MICAL3: variants seen among roughly 807,000 people sequenced by gnomAD.
MICAL3 encodes microtubule associated monooxygenase, calponin and LIM domain containing 3, also known as [F-actin]-monooxygenase MICAL3.
In MICAL3, 62 loss-of-function variants were observed where a neutral mutation model predicts 207.4. That is an observed-to-expected ratio of 0.30 (90% CI 0.24 to 0.37). The LOEUF (loss-of-function observed/expected upper bound fraction) is 0.37, where lower values mean the gene tolerates loss of function less well. MICAL3 is among the 10% of genes least tolerant of loss of function. MICAL3 has a pLI of 1.00. For missense variants in MICAL3, 2,368 were observed against 2,635.6 expected, an observed-to-expected ratio of 0.90 and a Z score of 2.22; for synonymous variants, 1,077 against 1,069.3, an observed-to-expected ratio of 1.01 and a Z score of -0.14.
In MICAL3 at chr22:17,817,644, G is replaced by C; in HGVS notation, c.5017C>G (p.Leu1673Val). 6.2e-7 allele frequency: 1 copy of C among 1,612,710 alleles called. No individual in the cohort carries two copies. The highest frequency in any genetic ancestry group is 8.5e-7 in the Non-Finnish European group (1 of 1,179,792). ...CCCCCTGAGTCCGACGGCGGGGAGAGGACCTCCTCGCTGGTGGCTTCATGC... is the reference window on the plus strand; with the variant it reads ...CCCCCTGAGTCCGACGGCGGGGAGACGACCTCCTCGCTGGTGGCTTCATGC... ...LKHEATSEEV[L>V]SPPSDSGGPD... The change falls in exon 26 of 32, where the codon CTC (leucine) becomes GTC (valine). Residue 1673 changes from leucine to valine, a missense_variant. Leu to Val is a conservative substitution (Grantham distance 32). This residue lies in a region of MICAL3 where 1,770 missense variants were observed against 1,863.2 expected (regional missense o/e 0.95). Coordinates refer to ENST00000441493, the MANE Select transcript of MICAL3 (RefSeq NM_015241.3).
intron 1 of MICAL3, among the ~76,000 whole-genome samples, chr22:17,980,053 T>G (rs1307852834): frequency 2.0e-5 from 3 of 152,230 alleles, no homozygotes; most frequent in Non-Finnish European, 4.4e-5. Flanking sequence ...GGTCTGGAAC[T>G]GCTGGGCTCA....
intron 1 of MICAL3, among the ~76,000 whole-genome samples, chr22:17,920,856 A>G (rs76783665): frequency 0.054 from 8,187 of 152,054 alleles, 758 homozygotes; most frequent in African/African-American, 0.19. Flanking sequence ...TGCCTACCAC[A>G]ATCCTGGTGG....
chr22:17,861,638 C>G, intron 19 of MICAL3: 1 of 985,410 alleles, frequency 1.0e-6, no homozygotes, highest in Non-Finnish European at 1.2e-6. Flanking sequence ...ATTGTTCAAG[C>G]TTTTTCTAAA....
At chr22:17,872,990 T>TGCCAACA in intron 16 of MICAL3, 1 of 659,350 alleles carries the variant, frequency 1.5e-6, no homozygotes, top group Non-Finnish European at 2.7e-6. Context: ...CAGCAAACCA[T>TGCCAACA]GCCAACACAG....
chr22:17,967,357 CA>C (rs5844336), intron 1 of MICAL3, among the ~76,000 whole-genome samples: 30,324 of 151,526 alleles, frequency 0.2, 3,173 homozygotes, highest in Middle Eastern at 0.27. Context: ...ACATACCCTG[CA>C]AAAAAAAGTA....
chr22:17,946,217 CAG>C (rs1934058481), intron 1 of MICAL3, among the ~76,000 whole-genome samples: 1 of 152,128 alleles, frequency 6.6e-6, no homozygotes, highest in East Asian at 1.9e-4. Context: ...ACCAGGAGGC[CAG>C]AGAAGACTGC....
In MICAL3 at chr22:17,902,490, T is replaced by C. The variant is rs758007622; in HGVS notation, c.589+141A>G. On this transcript the variant is annotated intron_variant, in intron 4 of 31. Coordinates refer to ENST00000441493, the MANE Select transcript of MICAL3 (RefSeq NM_015241.3). This position sits in a 1 kb window ranked among gnomAD's most constrained non-coding sequence, Gnocchi z 4.5. ...TGCGCCTGCGACATCTAAGGCTGCA[T>C]CCAGGCCAAGTCCCCAAAGGCACAG... 2.1e-4 allele frequency: 120 copies of C among 566,836 alleles called. No homozygotes were observed. Among genetic ancestry groups the C allele is most frequent in the Non-Finnish European group, 3.2e-4 (100 of 316,418 alleles). The allele number at this position is 566,836 out of a possible 1,614,324, so 35.1% of individuals were successfully genotyped here.
intron 1 of MICAL3, chr22:17,980,851 C>T (rs573984148): frequency 1.3e-5 from 7 of 522,830 alleles, no homozygotes; most frequent in Admixed American, 1.2e-4. Context: ...CCGTCACCCT[C>T]AGTTCCTGCT....
rs183912817 is a variant in MICAL3 at position 17,992,545 on chromosome 22, C to T, written c.-75+31736G>A. Among the ~76,000 whole-genome samples the T allele has an allele frequency of 2.0e-3, 300 of 152,252 alleles. 6 individuals are homozygous for T. The highest frequency in any genetic ancestry group is 7.5e-4 in the Non-Finnish European group (51 of 68,018). ...CTTACCACGTGGCACTTACATACAACAGATGCTCAATAAATGTGCTGAAAA... is the reference window on the plus strand; with the variant it reads ...CTTACCACGTGGCACTTACATACAATAGATGCTCAATAAATGTGCTGAAAA... On this transcript the variant is annotated intron_variant, in intron 1 of 31. Transcript: ENST00000441493.
chr22:17,977,296 T>G (rs1448858668), intron 1 of MICAL3, among the ~76,000 whole-genome samples: 1 of 152,102 alleles, frequency 6.6e-6, no homozygotes, highest in Non-Finnish European at 1.5e-5. Flanking sequence ...AGGTAACGGA[T>G]AGGGAACTTG....
At chr22:17,922,613 G>C (rs1271825204) in intron 1 of MICAL3, among the ~76,000 whole-genome samples, 1 of 152,172 alleles carries the variant, frequency 6.6e-6, no homozygotes, top group Admixed American at 6.5e-5. Flanking sequence ...CTGAAGGGAA[G>C]ACTCATGCCC....
At chr22:17,798,874 C>T (rs1010266313) in intron 29 of MICAL3, among the ~76,000 whole-genome samples, 25 of 151,914 alleles carry the variant, frequency 1.6e-4, no homozygotes, top group Non-Finnish European at 3.2e-4. Flanking sequence ...GGGGTTTCAC[C>T]ATGTTAGCCA....
intron 19 of MICAL3, among the ~76,000 whole-genome samples, chr22:17,850,406 T>C (rs1314296681): frequency 8.5e-6 from 1 of 117,436 alleles, no homozygotes; most frequent in African/African-American, 3.8e-5. Context: ...ATTAGTTTTT[T>C]TTTTTTTTTT....
chr22:17,832,914 G>A (rs1339629795), intron 20 of MICAL3, among the ~76,000 whole-genome samples: 9 of 152,290 alleles, frequency 5.9e-5, no homozygotes, highest in South Asian at 2.1e-4. Context: ...CAAAGGCACC[G>A]CTCACTGCAA....
intron 1 of MICAL3, chr22:17,980,927 C>T (rs751242827): frequency 3.8e-6 from 2 of 533,270 alleles, no homozygotes; most frequent in Admixed American, 3.9e-5. Context: ...CCCCGGCCCC[C>T]ACCAGTGCCC....
intron 1 of MICAL3, chr22:18,004,302 T>G (rs1923235406): frequency 6.6e-6 from 1 of 152,084 alleles, no homozygotes; most frequent in South Asian, 2.1e-4. Flanking sequence ...AGTTTCGTTC[T>G]TGTTGCCCAG....
chr22:17,861,018 C>T (rs1376292613), intron 19 of MICAL3: 3 of 985,280 alleles, frequency 3.0e-6, no homozygotes, highest in African/African-American at 1.7e-5. Context: ...TATATATAAA[C>T]ATTCACACAT....
intron 29 of MICAL3, among the ~76,000 whole-genome samples, chr22:17,794,762 G>A (rs900729038): frequency 2.6e-5 from 4 of 152,134 alleles, no homozygotes; most frequent in Non-Finnish European, 5.9e-5. Context: ...GAGTGCTGAC[G>A]GGGCATCGAG....
intron 1 of MICAL3, among the ~76,000 whole-genome samples, chr22:17,957,203 C>G (rs1352086137): frequency 6.6e-6 from 1 of 152,150 alleles, no homozygotes; most frequent in Non-Finnish European, 1.5e-5. Context: ...ACCTGTCAAT[C>G]CATAGAGTGG....
Sources: gnomAD v4.1 joint callset for allele counts (sites outside exome capture counted in the v4.1 genomes callset) on GRCh38, gnomAD v4.1.1 for gene constraint, gnomAD v4.1.1 regional missense constraint, Gnocchi (gnomAD v3.1) non-coding constraint, MANE v1.5 for transcripts, NCBI Gene and HGNC (gene_info 2026-07-23, HGNC 2026-07-21) for gene names.